ORMDL3: variants seen among roughly 807,000 people sequenced by gnomAD.
ORMDL3 encodes the protein ORM1-like protein 3.
Under a neutral mutation model 12.6 loss-of-function variants are expected in ORMDL3, and 6 were observed. The ratio of observed to expected loss-of-function variants is 0.48; its 90% CI spans 0.26 to 0.94. The LOEUF is 0.94. ORMDL3 is among the 40% of genes least tolerant of loss of function. The probability of loss-of-function intolerance (pLI) is 0.14; values close to 1 mark genes in which losing one functional copy is unlikely to be tolerated. For synonymous variants in ORMDL3, 99 were observed against 87.2 expected (o/e 1.14, Z -0.75); for missense variants, 159 against 205.5 (o/e 0.77, Z 1.38).
chr17:39,926,866 C>A, intron 1 of ORMDL3: 1 of 986,132 alleles, frequency 1.0e-6, no homozygotes, highest in Non-Finnish European at 1.2e-6. Context: ...TGGATGGGGA[C>A]CCCAACGGGG....
At chr17:39,922,765 G>A in intron 3 of ORMDL3, 80 bp from the exon 4 acceptor site, 2 of 1,503,676 alleles carry the variant, frequency 1.3e-6, no homozygotes, top group East Asian at 4.5e-5. Context: ...GAGGGGAAAG[G>A]CAGAATCCCA....
chr17:39,925,424 CCTAT>C (rs1978357333), intron 1 of ORMDL3: 1 of 152,176 alleles, frequency 6.6e-6, no homozygotes, highest in Non-Finnish European at 1.5e-5. Flanking sequence ...GGCTCACCTC[CCTAT>C]CTGAGATAGG....
At chr17:39,925,763 C>T (rs1978377765) in intron 1 of ORMDL3, 1 of 152,262 alleles carries the variant, frequency 6.6e-6, no homozygotes, top group African/African-American at 2.4e-5. Flanking sequence ...CAAGCAAACA[C>T]CCGTGCGCCA....
At position 39,922,513 on chromosome 17, in the gene ORMDL3, T is replaced by A; in HGVS notation, c.*37A>T. The A allele has an allele frequency of 6.2e-7, 1 of 1,600,132 alleles. No homozygotes were observed. The highest frequency in any genetic ancestry group is 2.2e-5 in the East Asian group (1 of 44,672). ...CAGCACATGCCTTTTACCCTACCCC[T>A]CCCCTGCCACCCTGGGCAGGGGAAG... On this transcript the variant is annotated 3_prime_UTR_variant, in exon 4 of 4. Coordinates refer to ENST00000304046, the MANE Select transcript of ORMDL3 (RefSeq NM_139280.4).
chr17:39,925,631 G>A (rs1201783280), intron 1 of ORMDL3: 2 of 152,190 alleles, frequency 1.3e-5, no homozygotes, highest in Non-Finnish European at 2.9e-5. Flanking sequence ...ACCTGCACAG[G>A]AGACTGAGTC....
intron 1 of ORMDL3, chr17:39,926,879 T>C: frequency 1.0e-6 from 1 of 985,624 alleles, no homozygotes; most frequent in Non-Finnish European, 1.2e-6. Flanking sequence ...CAACGGGGAG[T>C]CCGGGGCAGC....
rs1978301831 is a variant in ORMDL3, at chr17:39,922,369, C to T, written c.*181G>A. On this transcript the variant is annotated 3_prime_UTR_variant, in exon 4 of 4. Coordinates refer to ENST00000304046, the MANE Select transcript of ORMDL3 (RefSeq NM_139280.4). ...TCAGAGCCCAGGGGGCCTACCCCAA[C>T]CCCACTACAAGCTACTCCAAGTTGG... is the stretch of plus-strand genomic sequence containing the variant. 1.4e-6 allele frequency: 1 copy of T among 732,224 alleles called. No individual in the cohort carries two copies. The allele number at this position is 732,224 out of a possible 1,614,324, so 45.4% of individuals were successfully genotyped here.
chr17:39,924,181 C>T lies in ORMDL3; in HGVS notation c.23G>A (p.Ser8Asn), dbSNP rs758695831. ...CACCCGCGTGTTGGGGTTCACCTCG[C>T]TGTGCGCTGTGCCCACATTCATCCT... is the stretch of plus-strand genomic sequence containing the variant. Reference protein sequence around the residue: MNVGTAHSEVNPNTRVMN... With the variant: MNVGTAHNEVNPNTRVMN... The change falls in exon 2 of 4, where the codon AGC becomes AAC. Residue 8 changes from serine to asparagine, a missense_variant. Transcript: ENST00000304046. 1.2e-6 allele frequency: 2 copies of T among 1,609,920 alleles called. No individual in the cohort carries two copies. Among genetic ancestry groups the T allele is most frequent in the East Asian group, 2.2e-5 (1 of 44,870 alleles).
Position 39,924,166 on chromosome 17 carries a change from T to C in ORMDL3, c.38A>G (p.Asn13Ser), listed in dbSNP as rs1183084565. 5.0e-6 allele frequency: 8 copies of C among 1,613,544 alleles called. No homozygotes were observed. Among genetic ancestry groups the C allele is most frequent in the Non-Finnish European group, 6.8e-6 (8 of 1,179,638 alleles). ...GCCACGGCTGTTCATCACCCGCGTG[T>C]TGGGGTTCACCTCGCTGTGCGCTGT... ...VGTAHSEVNP[N>S]TRVMNSRGIW... Residue 13 changes from asparagine to serine, a missense_variant, in exon 2 of 4, where the codon AAC becomes AGC. Transcript: ENST00000304046.
rs1028360861 is a variant in ORMDL3, at chr17:39,923,095, G to A, written c.326+17C>T. 24 of 1,613,920 alleles carry A rather than the reference G, an allele frequency of 1.5e-5. No homozygotes were observed. The highest frequency in any genetic ancestry group is 1.9e-5 in the Non-Finnish European group (23 of 1,179,924). On this transcript the variant is annotated intron_variant, in intron 3 of 3. Coordinates refer to ENST00000304046, the MANE Select transcript of ORMDL3 (RefSeq NM_139280.4). ...TTGCCCTGCCTGCTGGTGTCTTCCT[G>A]TAGCCCAGGCACTCACAGCACGATG...
At chr17:39,923,090 T>C (rs1329060926) in intron 3 of ORMDL3, 22 bp downstream of exon 3, 4 of 1,613,830 alleles carry the variant, frequency 2.5e-6, no homozygotes, top group African/African-American at 1.3e-5. Context: ...TGCTGGTGTC[T>C]TCCTGTAGCC....
Position 39,922,676 on chromosome 17 carries a change from G to A in ORMDL3, c.336C>T (p.Leu112=). Residue 112 remains leucine, a synonymous_variant, in exon 4 of 4, where the codon CTC becomes CTT. Transcript: ENST00000304046. The part of the protein sequence containing the change: ...LTITPIVLYF[L]TSFYTKYDQI... ...GGTCGTACTTAGTGTAGAAGCTGGT[G>A]AGGAAGTACCTGGGAGGGGAAGGGT... The A allele has an allele frequency of 6.2e-7, 1 of 1,613,672 alleles. No individual in the cohort carries two copies.
Position 39,922,552 on chromosome 17 carries a change from A to T in ORMDL3, c.460T>A (p.Ter154ArgextTer39), listed in dbSNP as rs1046087180. 2 of 1,613,748 alleles carry T rather than the reference A, an allele frequency of 1.2e-6. No individual in the cohort carries two copies. Among genetic ancestry groups the T allele is most frequent in the Non-Finnish European group, 1.7e-6 (2 of 1,179,886 alleles). The change falls in exon 4 of 4, where the codon TGA becomes AGA. Residue 154 changes from the stop codon to arginine, a stop_lost. Coordinates refer to ENST00000304046, the MANE Select transcript of ORMDL3 (RefSeq NM_139280.4). Reference protein sequence around the residue: ...GVRIFGINKY* With the variant: ...GVRIFGINKYR ...GGGCAGGGGAAGGGGCTGCACTCTC[A>T]GTACTTATTGATTCCAAAAATCCGG...
intron 2 of ORMDL3, among the ~76,000 whole-genome samples, chr17:39,923,702 G>C (rs1978317265): frequency 6.6e-6 from 1 of 152,140 alleles, no homozygotes. Context: ...ATCAGCCTAG[G>C]CACCAGGACT....
chr17:39,926,925 A>T (rs1240569780), intron 1 of ORMDL3: 2 of 985,722 alleles, frequency 2.0e-6, no homozygotes, highest in East Asian at 1.1e-4. Flanking sequence ...CCCACCCCCC[A>T]AGCTGCAGGA....
chr17:39,925,397 GATGGC>G (rs1978356191), intron 1 of ORMDL3: 1 of 152,300 alleles, frequency 6.6e-6, no homozygotes, highest in South Asian at 2.1e-4. Flanking sequence ...AGTGGAGACA[GATGGC>G]ACCTGTGTAC....
Position 39,922,104 on chromosome 17 carries a change from G to A in ORMDL3, c.*446C>T, listed in dbSNP as rs761753357. On this transcript the variant is annotated 3_prime_UTR_variant, in exon 4 of 4. Transcript: ENST00000304046. ...ACAAAAGCACACACTGCGTGGCATC[G>A]AAAAAACCTAGGAATCACAGTGAAA... 1.2e-4 allele frequency: 19 copies of A among 154,974 alleles called. No homozygotes were observed. The highest frequency in any genetic ancestry group is 1.9e-4 in the East Asian group (1 of 5,386). 9.6% of individuals were successfully genotyped at this position (154,974 alleles called of 1,614,324 possible). A position where few individuals can be genotyped will look rare whatever the true frequency, so the allele number is the denominator to read the frequency against.
intron 1 of ORMDL3, 193 bp downstream of exon 1, chr17:39,927,290 AC>A: frequency 5.6e-6 from 1 of 178,304 alleles, no homozygotes; most frequent in Non-Finnish European, 8.8e-6. Flanking sequence ...CCGACGTTCC[AC>A]CCCCGGCCTC....
Position 39,927,490 on chromosome 17 carries a change from G to C in ORMDL3, c.-29C>G. 1.0e-6 allele frequency: 1 copy of C among 985,366 alleles called. No individual in the cohort carries two copies. Among genetic ancestry groups the C allele is most frequent in the African/African-American group, 1.7e-5 (1 of 57,330 alleles). The allele number at this position is 985,366 out of a possible 1,614,324, so 61.0% of individuals were successfully genotyped here. On this transcript the variant is annotated 5_prime_UTR_variant, in exon 1 of 4. Transcript: ENST00000304046. ...TGGTTCCTTCCGGGCTCACCGTGTG[G>C]GGCCGAAGATCAACGGCCCGGGAAC...
Sources: gnomAD v4.1 joint callset for allele counts (sites outside exome capture counted in the v4.1 genomes callset) on GRCh38, gnomAD v4.1.1 for gene constraint, MANE v1.5 for transcripts, NCBI Gene and HGNC (gene_info 2026-07-23, HGNC 2026-07-21) for gene names.